The following TRPM1 variants were observed in gnomAD, a reference collection of about 807,000 sequenced individuals.
TRPM1 encodes TRPM1-203 APA Isoform, Intron 10.
In TRPM1, 113 loss-of-function variants were observed where a neutral mutation model predicts 149.4. The ratio of observed to expected loss-of-function variants is 0.76; its 90% CI spans 0.65 to 0.88. TRPM1 has a LOEUF of 0.88. Among genes scored for constraint, TRPM1 ranks in the 40% least tolerant of loss-of-function variants. The probability of loss-of-function intolerance (pLI) is 0.00; values close to 1 mark genes in which losing one functional copy is unlikely to be tolerated. For missense variants in TRPM1, 1,976 were observed against 2,038.7 expected (o/e 0.97, Z 0.59); for synonymous variants, 741 against 759.5 (o/e 0.98, Z 0.40).
intron 1 of TRPM1, among the ~76,000 whole-genome samples, chr15:31,083,498 C>T (rs1199833094): frequency 2.6e-5 from 4 of 152,184 alleles, no homozygotes; most frequent in Non-Finnish European, 4.4e-5. Context: ...CTGCCTTTGC[C>T]CGGCTCCTAG....
intron 1 of TRPM1, among the ~76,000 whole-genome samples, chr15:31,100,157 G>A (rs2035482249): frequency 6.7e-6 from 1 of 150,244 alleles, no homozygotes; most frequent in East Asian, 2.0e-4. Flanking sequence ...TCGGCTCACT[G>A]CAACCTCCAC....
chr15:31,103,432 T>C (rs1331909983), upstream of TRPM1, among the ~76,000 whole-genome samples: 3 of 152,234 alleles, frequency 2.0e-5, no homozygotes, highest in African/African-American at 7.2e-5. Flanking sequence ...TAATAATCGA[T>C]TGCACATTGA....
intron 1 of TRPM1, among the ~76,000 whole-genome samples, chr15:31,084,411 C>T (rs28730990): frequency 0.016 from 2,455 of 152,256 alleles, 64 homozygotes; most frequent in African/African-American, 0.055. Context: ...CACTTTCTGT[C>T]TCTATGGATT....
chr15:31,126,517 T>C (rs1373203578), intron 1 of TRPM1, among the ~76,000 whole-genome samples: 2 of 152,198 alleles, frequency 1.3e-5, no homozygotes, highest in African/African-American at 2.4e-5. Context: ...TAGAAGTACC[T>C]ATGGTCTCTT....
chr15:31,129,346 C>T (rs2035989528), intron 1 of TRPM1, among the ~76,000 whole-genome samples: 1 of 152,178 alleles, frequency 6.6e-6, no homozygotes, highest in African/African-American at 2.4e-5. Flanking sequence ...CCCGGGCCGC[C>T]TGGCCCTTTC....
chr15:31,128,947 T>C (rs1189963172), intron 1 of TRPM1, among the ~76,000 whole-genome samples: 2 of 152,266 alleles, frequency 1.3e-5, no homozygotes, highest in Admixed American at 6.5e-5. Flanking sequence ...GCTGCATCAC[T>C]GCACTGGTTG....
chr15:31,135,022 G>C (rs966310283), intron 1 of TRPM1, among the ~76,000 whole-genome samples: 1 of 152,066 alleles, frequency 6.6e-6, no homozygotes, highest in Non-Finnish European at 1.5e-5. Context: ...AAAGAGATTG[G>C]CTCAACTCCC....
chr15:31,138,739 A>G (rs932782640), intron 1 of TRPM1, among the ~76,000 whole-genome samples: 35 of 152,072 alleles, frequency 2.3e-4, no homozygotes. Flanking sequence ...AAAAGAAAAG[A>G]CTATGTATCA....
In TRPM1 at chr15:31,032,014, T is replaced by G. The variant is rs907690120; in HGVS notation, c.2952+675A>C. On this transcript the variant is annotated intron_variant, in intron 22 of 27. Coordinates refer to ENST00000256552, the MANE Select transcript of TRPM1 (RefSeq NM_001252024.2). ...GTTATAAATCAGGCGGGGTTTTTTT[T>G]TTTTTTTTTTTTGGCCATATATATA... is the stretch of plus-strand genomic sequence containing the variant. 4.6e-5 allele frequency among the ~76,000 whole-genome samples: 7 copies of G among 150,800 alleles called. No individual in the cohort carries two copies. The East Asian group carries it at 1.4e-3, about 29-fold the overall frequency.
rs1309238927 is a variant in TRPM1, at chr15:31,060,142, C to CAT, written c.1263+401_1263+402insAT. On this transcript the variant is annotated intron_variant, in intron 11 of 27. Transcript: ENST00000256552. ...ATACAGACACACACATAGACACACA[C>CAT]ACATAAACACACACACACACAGAGT... 17 of 352,146 alleles carry CAT rather than the reference C, an allele frequency of 4.8e-5. 1 individual carries two copies. Among genetic ancestry groups the CAT allele is most frequent in the South Asian group, 3.7e-4 (16 of 42,686 alleles). 21.8% of individuals were successfully genotyped at this position (352,146 alleles called of 1,614,324 possible). A position where few individuals can be genotyped will look rare whatever the true frequency, so the allele number is the denominator to read the frequency against.
chr15:31,117,331 C>T (rs952526144), intron 1 of TRPM1, among the ~76,000 whole-genome samples: 1 of 152,004 alleles, frequency 6.6e-6, no homozygotes, highest in Non-Finnish European at 1.5e-5. Flanking sequence ...ACTAAAAATA[C>T]AAAAATTAGC....
chr15:31,151,294 G>A (rs892524080), intron 1 of TRPM1, among the ~76,000 whole-genome samples: 1 of 152,168 alleles, frequency 6.6e-6, no homozygotes, highest in African/African-American at 2.4e-5. Flanking sequence ...ACTCCCAACT[G>A]GTCGGAGATT....
At position 31,098,104 on chromosome 15, in the gene TRPM1, C is replaced by T. The variant is rs904569775; in HGVS notation, c.-84+3553G>A. On this transcript the variant is annotated intron_variant, in intron 1 of 27. Transcript: ENST00000256552. ...ACACAGTTTGAAATTATGTCTGTGGCGCGTGTGCTATTTCTATTAGGCAGC... is the reference window on the plus strand; with the variant it reads ...ACACAGTTTGAAATTATGTCTGTGGTGCGTGTGCTATTTCTATTAGGCAGC... Among the ~76,000 whole-genome samples, 5 of 152,206 alleles carry T rather than the reference C, an allele frequency of 3.3e-5. No homozygotes were observed. The East Asian group carries it at 5.8e-4, about 18-fold the overall frequency.
At chr15:31,118,654 C>G (rs528288551) in intron 1 of TRPM1, among the ~76,000 whole-genome samples, 1 of 152,310 alleles carries the variant, frequency 6.6e-6, no homozygotes, top group South Asian at 2.1e-4. Flanking sequence ...GAACTCTCTT[C>G]TGGGTTGAAG....
chr15:31,113,860 C>G (rs2338852), intron 1 of TRPM1, among the ~76,000 whole-genome samples: 91,683 of 151,260 alleles, frequency 0.61, 27,926 homozygotes, highest in East Asian at 0.73. Flanking sequence ...CGCTCCCACA[C>G]GCTGGAAGGG....
chr15:31,063,544 A>G (rs1465761473), intron 7 of TRPM1, among the ~76,000 whole-genome samples: 1 of 151,884 alleles, frequency 6.6e-6, no homozygotes, highest in East Asian at 1.9e-4. Context: ...TGCAGCCTCA[A>G]CCTCCCTCTC....
chr15:31,095,112 C>T (rs2035342151), intron 1 of TRPM1, among the ~76,000 whole-genome samples: 1 of 152,226 alleles, frequency 6.6e-6, no homozygotes, highest in African/African-American at 2.4e-5. Context: ...AGAAGCCAGG[C>T]ATAAAAGGTG....
intron 1 of TRPM1, among the ~76,000 whole-genome samples, chr15:31,110,991 AAC>A (rs1286189125): frequency 6.6e-6 from 1 of 151,646 alleles, no homozygotes; most frequent in Non-Finnish European, 1.5e-5. Flanking sequence ...TAGAATAACA[AAC>A]ACACGGTTAA....
At chr15:31,117,507 G>A (rs1217554875) in intron 1 of TRPM1, among the ~76,000 whole-genome samples, 1 of 151,820 alleles carries the variant, frequency 6.6e-6, no homozygotes, top group Non-Finnish European at 1.5e-5. Context: ...AAATAGCTGA[G>A]CATGGAGGTG....
Sources: gnomAD v4.1 joint callset for allele counts (sites outside exome capture counted in the v4.1 genomes callset) on GRCh38, gnomAD v4.1.1 for gene constraint, MANE v1.5 for transcripts, NCBI Gene and HGNC (gene_info 2026-07-23, HGNC 2026-07-21) for gene names.